Variants in FBXO34 observed in about 807,000 individuals in gnomAD.
FBXO34 encodes F-box protein 34.
FBXO34 carries 12 observed loss-of-function variants against 24.5 expected under a neutral mutation model. The ratio of observed to expected loss-of-function variants is 0.49; its 90% CI spans 0.31 to 0.79. The LOEUF is 0.79. Ranked by LOEUF, FBXO34 falls within the 30% of genes least tolerant of loss-of-function variation. The probability of loss-of-function intolerance (pLI) is 0.04; values close to 1 mark genes in which losing one functional copy is unlikely to be tolerated. For missense variants in FBXO34, 823 were observed against 857.7 expected, an observed-to-expected ratio of 0.96 and a Z score of 0.51; for synonymous variants, 320 against 311.9, an observed-to-expected ratio of 1.03 and a Z score of -0.27.
chr14:55,297,735 A>T (rs1420130818), intron 1 of FBXO34, among the ~76,000 whole-genome samples: 2 of 152,222 alleles, frequency 1.3e-5, no homozygotes, highest in East Asian at 3.9e-4. Flanking sequence ...GTCTTTGAAA[A>T]ACCCTCTACT....
At chr14:55,296,382 G>GTTTTTGTT (rs1882122901) in intron 1 of FBXO34, among the ~76,000 whole-genome samples, 1 of 95,784 alleles carries the variant, frequency 1.0e-5, no homozygotes, top group Non-Finnish European at 2.1e-5. Flanking sequence ...CTGTTCTTGT[G>GTTTTTGTT]TTTTTTTTGT....
chr14:55,320,996 TTTTA>T (rs1883114817), intron 1 of FBXO34, among the ~76,000 whole-genome samples: 1 of 152,192 alleles, frequency 6.6e-6, no homozygotes, highest in African/African-American at 2.4e-5. Flanking sequence ...TAGTTTTCTT[TTTTA>T]TTCATCTTTT....
At chr14:55,286,377 T>G (rs1239534417) in intron 1 of FBXO34, among the ~76,000 whole-genome samples, 1 of 152,244 alleles carries the variant, frequency 6.6e-6, no homozygotes, top group Non-Finnish European at 1.5e-5. Context: ...TCAAGACATT[T>G]GTCATTTGCG....
At chr14:55,433,811 A>G in the FBXO34 span, 1 of 1,165,594 alleles carries the variant, frequency 8.6e-7, no homozygotes, top group East Asian at 2.4e-5. Flanking sequence ...AAAATCTCAA[A>G]CAGATTGGAT....
chr14:55,353,450 C>T lies in FBXO34; in HGVS notation c.*924C>T, dbSNP rs1884461717. 6.0e-6 allele frequency: 1 copy of T among 166,954 alleles called. No homozygotes were observed. Among genetic ancestry groups the T allele is most frequent in the African/African-American group, 2.4e-5 (1 of 41,420 alleles). 10.3% of individuals were successfully genotyped at this position (166,954 alleles called of 1,614,324 possible). On this transcript the variant is annotated 3_prime_UTR_variant, in exon 2 of 2. Transcript: ENST00000313833. ...GATACCAAATAATGGTTTAACTGGA[C>T]AACCTGAAAATTAGCATAGAAAACA...
In FBXO34 at chr14:55,351,186, A is replaced by G. The variant is rs749314363; in HGVS notation, c.796A>G (p.Asn266Asp). Residue 266 changes from asparagine to aspartate, a missense_variant, in exon 2 of 2, where the codon AAT becomes GAT. By Grantham distance (23) the Asn-to-Asp change is conservative. Transcript: ENST00000313833. ...TTGTGAAGAACCCACAGAAAGGGGA[A>G]ATCTTGAGGTTGGTGAACCACAGAG... The part of the protein sequence containing the change: ...GACEEPTERG[N>D]LEVGEPQSEP... 1 of 1,614,184 alleles carries G rather than the reference A, an allele frequency of 6.2e-7. No homozygotes were observed. Among genetic ancestry groups the G allele is most frequent in the Admixed American group, 1.7e-5 (1 of 60,024 alleles).
chr14:55,341,618 G>A (rs189373966), intron 1 of FBXO34, among the ~76,000 whole-genome samples: 2 of 152,248 alleles, frequency 1.3e-5, no homozygotes, highest in African/African-American at 4.8e-5. Context: ...AAATTTTCCT[G>A]GTAATGCTCA....
At chr14:55,370,454 T>C (rs1360124794), downstream of FBXO34, among the ~76,000 whole-genome samples, 4 of 152,222 alleles carry the variant, frequency 2.6e-5, no homozygotes, top group Admixed American at 6.5e-5. Flanking sequence ...CACAACTGTT[T>C]AGAATATATT....
chr14:55,348,068 G>A (rs1039073070), intron 1 of FBXO34, among the ~76,000 whole-genome samples: 3 of 152,144 alleles, frequency 2.0e-5, no homozygotes. Flanking sequence ...AGACTATACA[G>A]TATAATGATA....
the FBXO34 span, among the ~76,000 whole-genome samples, chr14:55,398,058 CCG>C: frequency 6.6e-6 from 1 of 151,598 alleles, no homozygotes; most frequent in African/African-American, 2.4e-5. Flanking sequence ...CGCCATTCTC[CCG>C]CCTCAGCCTC....
chr14:55,358,052 T>C (rs1448962687), downstream of FBXO34, among the ~76,000 whole-genome samples: 2 of 150,452 alleles, frequency 1.3e-5, no homozygotes, highest in Non-Finnish European at 3.0e-5. Context: ...GACCGAACTG[T>C]TGGCCTTCAC....
chr14:55,333,829 C>G (rs910870538), intron 1 of FBXO34, among the ~76,000 whole-genome samples: 1 of 151,188 alleles, frequency 6.6e-6, no homozygotes, highest in Non-Finnish European at 1.5e-5. Flanking sequence ...GACTTAGTGT[C>G]TGTATATTTT....
chr14:55,405,103 A>C, the FBXO34 span, among the ~76,000 whole-genome samples: 1 of 152,338 alleles, frequency 6.6e-6, no homozygotes, highest in Admixed American at 6.5e-5. Flanking sequence ...GACCCTCTGA[A>C]GGACACAGTG....
chr14:55,296,876 A>T (rs1334484341), intron 1 of FBXO34, among the ~76,000 whole-genome samples: 6 of 149,684 alleles, frequency 4.0e-5, no homozygotes, highest in East Asian at 2.0e-4. Context: ...CTTCTAAAAA[A>T]ATATATTTTA....
At position 55,350,928 on chromosome 14, in the gene FBXO34, T is replaced by A. The variant is rs769933483; in HGVS notation, c.538T>A (p.Phe180Ile). Residue 180 changes from phenylalanine to isoleucine, a missense_variant, in exon 2 of 2, where the codon TTT (phenylalanine) becomes ATT (isoleucine). Physicochemically the swap from Phe to Ile is conservative, Grantham distance 21. This residue lies in a region of FBXO34 where 693 missense variants were observed against 659.1 expected (regional missense o/e 1.05). Coordinates refer to ENST00000313833, the MANE Select transcript of FBXO34 (RefSeq NM_017943.4). ...VNSRCYQPEP[F>I]ACGIEHCSVH... ...CAGCAGGTGCTACCAACCTGAGCCT[T>A]TTGCATGTGGCATTGAGCACTGTTC... 6 of 1,613,932 alleles carry A rather than the reference T, an allele frequency of 3.7e-6. No homozygotes were observed. The highest frequency in any genetic ancestry group is 4.2e-6 in the Non-Finnish European group (5 of 1,179,922).
At chr14:55,282,297 T>G (rs2139649573) in intron 1 of FBXO34, 1 of 443,140 alleles carries the variant, frequency 2.3e-6, no homozygotes, top group African/African-American at 2.0e-5. Flanking sequence ...CCCGCCAAAT[T>G]TAGCTTTTTG....
At chr14:55,322,425 T>C (rs187896269) in intron 1 of FBXO34, among the ~76,000 whole-genome samples, 1 of 152,320 alleles carries the variant, frequency 6.6e-6, no homozygotes, top group Non-Finnish European at 1.5e-5. Context: ...AGCAGCATTA[T>C]GCTAAAGTAT....
the FBXO34 span, chr14:55,440,391 C>T: frequency 1.9e-6 from 3 of 1,613,042 alleles, no homozygotes; most frequent in Admixed American, 1.7e-5. Flanking sequence ...TGGCGGCAGC[C>T]TCACCTGAGC....
downstream of FBXO34, chr14:55,354,494 T>C (rs890865748): frequency 1.3e-5 from 2 of 152,254 alleles, no homozygotes; most frequent in Non-Finnish European, 2.9e-5. Flanking sequence ...TTGGTTGGTT[T>C]TCACAGATCA....
Sources: allele counts gnomAD v4.1 joint callset (sites outside exome capture counted in the v4.1 genomes callset), GRCh38; gene constraint gnomAD v4.1.1; regional missense constraint gnomAD v4.1.1; transcripts MANE v1.5; gene names NCBI Gene and HGNC (gene_info 2026-07-23, HGNC 2026-07-21).